KHDRBS2: variants seen among roughly 807,000 people sequenced by gnomAD.
The protein encoded by KHDRBS2 is KH domain-containing, RNA-binding, signal transduction-associated protein 2.
In KHDRBS2, 26 loss-of-function variants were observed where a neutral mutation model predicts 44.3. The observed-to-expected ratio is 0.59, with a 90% CI of 0.43 to 0.81. The LOEUF is 0.81. KHDRBS2 is among the 40% of genes least tolerant of loss of function. KHDRBS2 has a pLI of 0.00. For synonymous variants in KHDRBS2, 194 were observed against 151.1 expected (o/e 1.28, Z -2.08); for missense variants, 476 against 433.1 (o/e 1.10, Z -0.88).
intron 6 of KHDRBS2, among the ~76,000 whole-genome samples, chr6:61,868,748 G>A (rs1268650193): frequency 1.3e-5 from 2 of 152,152 alleles, no homozygotes; most frequent in African/African-American, 4.8e-5. Flanking sequence ...CAAGGAGTTG[G>A]GTCCAGTCTC....
chr6:61,930,546 G>GAAAAAAAAAAAAAAAA (rs1439236595), intron 4 of KHDRBS2, among the ~76,000 whole-genome samples: 13 of 47,568 alleles, frequency 2.7e-4, no homozygotes, highest in East Asian at 1.5e-3. Flanking sequence ...AAAAAAAAAA[G>GAAAAAAAAAAAAAAAA]AAAAAAAAAA....
intron 2 of KHDRBS2, among the ~76,000 whole-genome samples, chr6:62,136,159 A>T (rs2150094075): frequency 6.6e-6 from 1 of 152,294 alleles, no homozygotes; most frequent in East Asian, 1.9e-4. Flanking sequence ...GCATATGTAT[A>T]TCAAAACATC....
chr6:62,056,930 T>C (rs1233251851), intron 2 of KHDRBS2, among the ~76,000 whole-genome samples: 1 of 152,010 alleles, frequency 6.6e-6, no homozygotes, highest in East Asian at 1.9e-4. Flanking sequence ...CAATAGTTAT[T>C]TTATTTTTAA....
chr6:62,245,553 A>C (rs1215908291), intron 1 of KHDRBS2, among the ~76,000 whole-genome samples: 1 of 152,166 alleles, frequency 6.6e-6, no homozygotes, highest in Non-Finnish European at 1.5e-5. Flanking sequence ...GGATCATCCC[A>C]AACAATGTTT....
chr6:61,746,001 A>C (rs1382722313), intron 6 of KHDRBS2, among the ~76,000 whole-genome samples: 1 of 151,966 alleles, frequency 6.6e-6, no homozygotes, highest in African/African-American at 2.4e-5. Flanking sequence ...AGTCACTGAG[A>C]CTTAGTACTT....
chr6:61,596,907 C>A, the KHDRBS2 span, among the ~76,000 whole-genome samples: 414 of 152,210 alleles, frequency 2.7e-3, 4 homozygotes, highest in Non-Finnish European at 2.4e-3. Context: ...GCCTCAACCT[C>A]CCAAAGTGCT....
intron 3 of KHDRBS2, among the ~76,000 whole-genome samples, chr6:61,988,603 C>T (rs1407888947): frequency 1.3e-5 from 2 of 152,172 alleles, no homozygotes; most frequent in African/African-American, 4.8e-5. Flanking sequence ...TCAGAGATCT[C>T]TGGACTCGCA....
At chr6:62,108,261 A>G (rs1434242193) in intron 2 of KHDRBS2, among the ~76,000 whole-genome samples, 1 of 152,180 alleles carries the variant, frequency 6.6e-6, no homozygotes, top group East Asian at 1.9e-4. Flanking sequence ...AAAAACAAAG[A>G]ACCCCATCAA....
intron 3 of KHDRBS2, among the ~76,000 whole-genome samples, chr6:62,009,556 GA>G (rs1215960277): frequency 2.0e-5 from 3 of 152,186 alleles, no homozygotes; most frequent in African/African-American, 7.2e-5. Context: ...GGGCATGTCT[GA>G]GATCTTCATG....
chr6:61,668,617 T>C, the KHDRBS2 span, among the ~76,000 whole-genome samples: 2 of 151,074 alleles, frequency 1.3e-5, no homozygotes, highest in African/African-American at 4.8e-5. Context: ...TGAGAATTAT[T>C]AGATCTCAGG....
At chr6:62,122,746 C>T (rs1409855573) in intron 2 of KHDRBS2, among the ~76,000 whole-genome samples, 1 of 149,898 alleles carries the variant, frequency 6.7e-6, no homozygotes, top group Non-Finnish European at 1.5e-5. Flanking sequence ...GCACTACAGC[C>T]CCCTTTTAGC....
At chr6:62,046,937 A>C (rs1457591093) in intron 3 of KHDRBS2, among the ~76,000 whole-genome samples, 1 of 151,942 alleles carries the variant, frequency 6.6e-6, no homozygotes. Flanking sequence ...TAAAACTCCT[A>C]ATGTAGACTT....
At chr6:62,108,033 G>A (rs537104578) in intron 2 of KHDRBS2, among the ~76,000 whole-genome samples, 6 of 152,232 alleles carry the variant, frequency 3.9e-5, no homozygotes, top group Admixed American at 2.0e-4. Flanking sequence ...CATAGGCATG[G>A]GCAAGGACTT....
intron 6 of KHDRBS2, among the ~76,000 whole-genome samples, chr6:61,837,685 G>A (rs1037894345): frequency 3.9e-5 from 6 of 152,038 alleles, no homozygotes; most frequent in African/African-American, 1.4e-4. Context: ...TTTTGTTGTC[G>A]TCTGGTAGGA....
At chr6:62,087,713 T>C (rs936029750) in intron 2 of KHDRBS2, among the ~76,000 whole-genome samples, 1 of 152,166 alleles carries the variant, frequency 6.6e-6, no homozygotes, top group Middle Eastern at 3.2e-3. Flanking sequence ...GTGTTCTCTG[T>C]ATTTCCTGAA....
rs550477905 is a variant in KHDRBS2 at position 61,895,137 on chromosome 6, C to T, written c.612-304G>A. Among the ~76,000 whole-genome samples the T allele has an allele frequency of 4.9e-4, 71 of 146,000 alleles. 1 individual carries two copies. In the South Asian group the frequency reaches 0.015, roughly 32 times the overall value. On this transcript the variant is annotated intron_variant, in intron 5 of 8. Coordinates refer to ENST00000281156, the MANE Select transcript of KHDRBS2 (RefSeq NM_152688.4). ...CCCAAAGCCAGAAAAAAAAAAAAAA[C>T]CCAAACAAAAACCCACTCTGAATAT...
the KHDRBS2 span, among the ~76,000 whole-genome samples, chr6:61,646,970 C>A: frequency 2.6e-5 from 4 of 152,144 alleles, no homozygotes; most frequent in East Asian, 7.8e-4. Flanking sequence ...CAGGCACCCA[C>A]CACCATGCCC....
intron 2 of KHDRBS2, among the ~76,000 whole-genome samples, chr6:62,109,004 G>A (rs1486103839): frequency 6.6e-6 from 1 of 151,658 alleles, no homozygotes; most frequent in Non-Finnish European, 1.5e-5. Context: ...GCTAAATGAC[G>A]AGTTAATGGG....
intron 6 of KHDRBS2, among the ~76,000 whole-genome samples, chr6:61,828,728 C>T (rs1169267412): frequency 6.6e-6 from 1 of 152,204 alleles, no homozygotes. Context: ...AAGTATTTAT[C>T]ACACTAAACA....
Sources: allele counts gnomAD v4.1 joint callset (sites outside exome capture counted in the v4.1 genomes callset), GRCh38; gene constraint gnomAD v4.1.1; transcripts MANE v1.5; gene names NCBI Gene and HGNC (gene_info 2026-07-23, HGNC 2026-07-21).